The following MAGI1 variants were observed in gnomAD, a reference collection of about 807,000 sequenced individuals.
MAGI1 encodes membrane-associated guanylate kinase, WW and PDZ domain-containing protein 1.
A neutral mutation model predicts 139.9 loss-of-function variants in MAGI1; 58 were observed. The ratio of observed to expected loss-of-function variants is 0.41; its 90% CI spans 0.34 to 0.52. The LOEUF (loss-of-function observed/expected upper bound fraction) is 0.52. Among genes scored for constraint, MAGI1 ranks in the 20% least tolerant of loss-of-function variants. The pLI, the probability that MAGI1 is intolerant of heterozygous loss-of-function variation, is 0.12. For missense variants in MAGI1, 1,874 were observed against 1,901.6 expected, an observed-to-expected ratio of 0.99 and a Z score of 0.27; for synonymous variants, 812 against 737.9, an observed-to-expected ratio of 1.10 and a Z score of -1.63.
chr3:65,399,937 C>T (rs1944720038), intron 13 of MAGI1, among the ~76,000 whole-genome samples: 1 of 152,214 alleles, frequency 6.6e-6, no homozygotes, highest in Admixed American at 6.5e-5. Flanking sequence ...TCCCTCAGCA[C>T]ACTCCTTGTT....
intron 12 of MAGI1, among the ~76,000 whole-genome samples, chr3:65,407,339 C>T (rs56255333): frequency 0.039 from 5,832 of 151,282 alleles, 156 homozygotes; most frequent in East Asian, 0.078. Flanking sequence ...CCCAGCTACT[C>T]GGGAGGCTGA....
intron 1 of MAGI1, chr3:65,902,690 GTC>G (rs2061282350): frequency 6.6e-6 from 1 of 152,614 alleles, no homozygotes. Flanking sequence ...ATCCTGCCAA[GTC>G]TCTGCTCGTA....
chr3:65,685,189 C>T (rs2087915215), intron 1 of MAGI1, among the ~76,000 whole-genome samples: 2 of 151,654 alleles, frequency 1.3e-5, no homozygotes, highest in Non-Finnish European at 2.9e-5. Flanking sequence ...TAAAAAAGTG[C>T]TGAAAATTAG....
intron 18 of MAGI1, among the ~76,000 whole-genome samples, chr3:65,373,782 G>C (rs908164363): frequency 6.6e-6 from 1 of 152,120 alleles, no homozygotes; most frequent in Non-Finnish European, 1.5e-5. Flanking sequence ...CAGACCAGTT[G>C]GTAAGTGACT....
chr3:65,715,616 A>G (rs1036276944), intron 1 of MAGI1, among the ~76,000 whole-genome samples: 4 of 152,190 alleles, frequency 2.6e-5, no homozygotes, highest in African/African-American at 9.6e-5. Flanking sequence ...AGACACGTAC[A>G]CACAAGCACC....
intron 2 of MAGI1, among the ~76,000 whole-genome samples, chr3:65,578,923 A>AAGAGAGAGAGAGAGAG (rs139290080): frequency 6.9e-6 from 1 of 145,656 alleles, no homozygotes; most frequent in East Asian, 2.1e-4. Flanking sequence ...TCTGTCTCCA[A>AAGAGAGAGAGAGAGAG]AGAGAGAGAG....
intron 3 of MAGI1, among the ~76,000 whole-genome samples, chr3:65,482,385 T>C (rs771923582): frequency 6.6e-5 from 10 of 152,214 alleles, no homozygotes; most frequent in Non-Finnish European, 8.8e-5. Context: ...CCATACTACA[T>C]TGTTTTGAGG....
At chr3:65,689,256 C>T (rs1167187173) in intron 1 of MAGI1, among the ~76,000 whole-genome samples, 1 of 152,152 alleles carries the variant, frequency 6.6e-6, no homozygotes, top group Non-Finnish European at 1.5e-5. Flanking sequence ...TAGCTTTTAT[C>T]AAAGTAAGTT....
At chr3:66,023,193 T>C (rs1434916482) in intron 1 of MAGI1, among the ~76,000 whole-genome samples, 1 of 152,122 alleles carries the variant, frequency 6.6e-6, no homozygotes, top group Admixed American at 6.5e-5. Flanking sequence ...TATCTAAAAT[T>C]TGAATTCCTA....
At chr3:65,376,825 A>C (rs918988539) in intron 17 of MAGI1, among the ~76,000 whole-genome samples, 1 of 152,176 alleles carries the variant, frequency 6.6e-6, no homozygotes, top group African/African-American at 2.4e-5. Context: ...TCAGTTACCC[A>C]TATCAAAGAC....
chr3:65,669,049 A>G (rs966358097), intron 1 of MAGI1, among the ~76,000 whole-genome samples: 5 of 151,320 alleles, frequency 3.3e-5, no homozygotes, highest in African/African-American at 9.7e-5. Context: ...GCAATTCTCT[A>G]CCTCAGCCTC....
At chr3:65,486,004 G>A (rs1450766471) in intron 3 of MAGI1, among the ~76,000 whole-genome samples, 2 of 152,068 alleles carry the variant, frequency 1.3e-5, no homozygotes, top group African/African-American at 2.4e-5. Context: ...AACATTCTAC[G>A]ACAGAGTTTG....
At chr3:65,663,409 T>C (rs1271869934) in intron 1 of MAGI1, among the ~76,000 whole-genome samples, 1 of 152,320 alleles carries the variant, frequency 6.6e-6, no homozygotes, top group Middle Eastern at 3.4e-3. Flanking sequence ...GACCACACTT[T>C]GGGCACTGCT....
rs565680980 is a variant in MAGI1, at chr3:65,875,391, A to G, written c.313+162605T>C. On this transcript the variant is annotated intron_variant, in intron 1 of 22. Coordinates refer to ENST00000402939, the MANE Select transcript of MAGI1 (RefSeq NM_001033057.2). ...GAGTGATTTGTATGGTATTTGAATT[A>G]TATCTTAATAAAGCTGTTATGTATT... is the stretch of plus-strand genomic sequence containing the variant. Among the ~76,000 whole-genome samples the G allele has an allele frequency of 2.0e-5, 3 of 152,364 alleles. No individual in the cohort carries two copies. The East Asian group carries it at 5.8e-4, about 29-fold the overall frequency.
At chr3:65,465,900 T>G (rs1950137465) in intron 5 of MAGI1, among the ~76,000 whole-genome samples, 1 of 152,170 alleles carries the variant, frequency 6.6e-6, no homozygotes, top group African/African-American at 2.4e-5. Flanking sequence ...GAAGCTCTGT[T>G]TGTTGGTTGG....
intron 2 of MAGI1, among the ~76,000 whole-genome samples, chr3:65,574,137 C>A (rs911029696): frequency 6.6e-6 from 1 of 151,764 alleles, no homozygotes; most frequent in Non-Finnish European, 1.5e-5. Context: ...TATTATATTT[C>A]TTTCTGCTTG....
intron 1 of MAGI1, among the ~76,000 whole-genome samples, chr3:65,700,125 T>C (rs1000757402): frequency 6.6e-6 from 1 of 152,110 alleles, no homozygotes; most frequent in African/African-American, 2.4e-5. Context: ...ACATTCCTTA[T>C]AAGATGGTTG....
Position 65,543,411 on chromosome 3 carries a change from A to C in MAGI1, c.431-49780T>G, listed in dbSNP as rs1253994964. On this transcript the variant is annotated intron_variant, in intron 2 of 22. Transcript: ENST00000402939. ...CAATGTTATTACTGGGTATATACCC[A>C]AAGGATTATAAATCATTCTGCTACA... Among the ~76,000 whole-genome samples the C allele has an allele frequency of 3.3e-5, 5 of 152,326 alleles. No individual in the cohort carries two copies. The East Asian group carries it at 9.6e-4, about 29-fold the overall frequency.
intron 1 of MAGI1, among the ~76,000 whole-genome samples, chr3:65,762,049 G>T (rs890002731): frequency 1.3e-5 from 2 of 152,102 alleles, no homozygotes; most frequent in African/African-American, 2.4e-5. Context: ...AGGTCAGCAG[G>T]GTGGGGGTGG....
Sources: gnomAD v4.1 joint callset for allele counts (sites outside exome capture counted in the v4.1 genomes callset) on GRCh38, gnomAD v4.1.1 for gene constraint, MANE v1.5 for transcripts, NCBI Gene and HGNC (gene_info 2026-07-23, HGNC 2026-07-21) for gene names.